KCNH7: variants seen among roughly 807,000 people sequenced by gnomAD.
KCNH7 encodes the protein voltage-gated inwardly rectifying potassium channel KCNH7.
In KCNH7, 49 loss-of-function variants were observed where a neutral mutation model predicts 120.8. That is an observed-to-expected ratio of 0.41 (90% confidence interval 0.32 to 0.51). The LOEUF (loss-of-function observed/expected upper bound fraction) is 0.51, where lower values mean the gene tolerates loss of function less well. Among genes scored for constraint, KCNH7 ranks in the 20% least tolerant of loss-of-function variants. The pLI is 0.38. For synonymous variants in KCNH7, 547 were observed against 516.1 expected (o/e 1.06, Z -0.81); for missense variants, 1,097 against 1,446.6 (o/e 0.76, Z 3.92).
intron 8 of KCNH7, among the ~76,000 whole-genome samples, chr2:162,432,469 C>A (rs1291070100): frequency 1.3e-5 from 2 of 151,958 alleles, no homozygotes; most frequent in Admixed American, 6.6e-5. Flanking sequence ...ATTTAAATTT[C>A]ATTAATAGGG....
At chr2:162,634,040 G>A (rs1365167562) in intron 2 of KCNH7, among the ~76,000 whole-genome samples, 1 of 151,954 alleles carries the variant, frequency 6.6e-6, no homozygotes, top group African/African-American at 2.4e-5. Context: ...TTATCTGTGT[G>A]TGTAACGAAT....
intron 6 of KCNH7, among the ~76,000 whole-genome samples, chr2:162,497,981 G>C (rs1690551303): frequency 6.6e-6 from 1 of 152,066 alleles, no homozygotes; most frequent in African/African-American, 2.4e-5. Flanking sequence ...TTAATATTCA[G>C]AAATTTCTTT....
At chr2:162,518,770 G>A (rs938034594) in intron 3 of KCNH7, among the ~76,000 whole-genome samples, 54 of 150,336 alleles carry the variant, frequency 3.6e-4, no homozygotes, top group African/African-American at 1.2e-3. Flanking sequence ...TTTAAAGAGC[G>A]ATGTACTGTA....
intron 6 of KCNH7, among the ~76,000 whole-genome samples, chr2:162,472,863 G>C (rs902371832): frequency 2.6e-5 from 4 of 152,158 alleles, no homozygotes; most frequent in Admixed American, 6.5e-5. Context: ...TGATAGACTG[G>C]ATTAAGAAAA....
chr2:162,520,037 T>G lies in KCNH7; in HGVS notation c.464-1879A>C, dbSNP rs181458373. Among the ~76,000 whole-genome samples, 15 of 151,640 alleles carry G rather than the reference T, an allele frequency of 9.9e-5. 1 individual carries two copies. Among genetic ancestry groups the G allele is most frequent in the Middle Eastern group, 3.4e-3 (1 of 290 alleles). Reference sequence around the variant, plus strand: ...AATATTTATCTCCAGCCCAGACCTCTCCTCTGTGTTCCAAACCTGTATTGT... The same window carrying G: ...AATATTTATCTCCAGCCCAGACCTCGCCTCTGTGTTCCAAACCTGTATTGT... On this transcript the variant is annotated intron_variant, in intron 3 of 15. Transcript: ENST00000332142.
chr2:162,662,436 T>G, intron 2 of KCNH7, among the ~76,000 whole-genome samples: 1 of 152,240 alleles, frequency 6.6e-6, no homozygotes, highest in East Asian at 1.9e-4. Context: ...ATAAGCTTGT[T>G]TTAGGCAAAG....
intron 2 of KCNH7, among the ~76,000 whole-genome samples, chr2:162,738,624 G>C (rs1014260344): frequency 4.6e-5 from 7 of 152,122 alleles, no homozygotes; most frequent in Non-Finnish European, 8.8e-5. Flanking sequence ...GAGCACATTG[G>C]ACAAAAGCTC....
chr2:162,511,114 C>T (rs974681870), intron 5 of KCNH7, among the ~76,000 whole-genome samples: 4 of 151,372 alleles, frequency 2.6e-5, no homozygotes, highest in Non-Finnish European at 5.9e-5. Flanking sequence ...TATCCGTGTT[C>T]AAAGACTACT....
chr2:162,761,756 G>C (rs1381135437), intron 2 of KCNH7, among the ~76,000 whole-genome samples: 1 of 152,058 alleles, frequency 6.6e-6, no homozygotes. Flanking sequence ...CTGCCTGAGT[G>C]TGAGGTGCAT....
chr2:162,766,970 C>T (rs1220181590), intron 2 of KCNH7, among the ~76,000 whole-genome samples: 3 of 136,220 alleles, frequency 2.2e-5, no homozygotes, highest in African/African-American at 9.4e-5. Context: ...TCTTTTCTGG[C>T]TTTAAAAAAA....
At chr2:162,523,132 A>T (rs1453382594) in intron 3 of KCNH7, among the ~76,000 whole-genome samples, 2 of 151,896 alleles carry the variant, frequency 1.3e-5, no homozygotes, top group Non-Finnish European at 2.9e-5. Flanking sequence ...AGTTTCCGTG[A>T]TTAATTTTAG....
chr2:162,374,538 T>A (rs1285168952), intron 14 of KCNH7, among the ~76,000 whole-genome samples: 1 of 152,134 alleles, frequency 6.6e-6, no homozygotes, highest in Non-Finnish European at 1.5e-5. Context: ...TCTTCACTTA[T>A]TTGCGCTGAC....
chr2:162,430,258 T>A (rs1177539288), intron 8 of KCNH7, among the ~76,000 whole-genome samples: 1 of 152,072 alleles, frequency 6.6e-6, no homozygotes, highest in Non-Finnish European at 1.5e-5. Flanking sequence ...CCCACATCTA[T>A]GTGAGCTCTG....
chr2:162,813,454 T>C (rs1684805324), intron 2 of KCNH7, among the ~76,000 whole-genome samples: 1 of 152,158 alleles, frequency 6.6e-6, no homozygotes, highest in African/African-American at 2.4e-5. Flanking sequence ...TCAGGGGTGA[T>C]TGGTGAGGCT....
chr2:162,812,542 T>C (rs1684767466), intron 2 of KCNH7, among the ~76,000 whole-genome samples: 1 of 152,056 alleles, frequency 6.6e-6, no homozygotes, highest in Non-Finnish European at 1.5e-5. Context: ...TGATCCTATA[T>C]GCCAAGAGGA....
intron 2 of KCNH7, among the ~76,000 whole-genome samples, chr2:162,830,702 G>T (rs755143662): frequency 6.6e-6 from 1 of 152,040 alleles, no homozygotes; most frequent in African/African-American, 2.4e-5. Context: ...AGTCATATGG[G>T]CTCCACTCTC....
chr2:162,671,625 G>T (rs1574247669), intron 2 of KCNH7, among the ~76,000 whole-genome samples: 1 of 151,908 alleles, frequency 6.6e-6, no homozygotes, highest in East Asian at 1.9e-4. Context: ...TTCTCTATTT[G>T]GGTTGTGGGT....
At chr2:162,658,616 C>G (rs560471304) in intron 2 of KCNH7, among the ~76,000 whole-genome samples, 117 of 152,190 alleles carry the variant, frequency 7.7e-4, no homozygotes, top group African/African-American at 2.7e-3. Context: ...TGGGGTTTCT[C>G]TTCGTTTATT....
chr2:162,373,436 G>A (rs1232990500), intron 15 of KCNH7, 34 bp downstream of exon 15: 10 of 1,417,614 alleles, frequency 7.1e-6, no homozygotes, highest in African/African-American at 1.5e-5. Flanking sequence ...CACACTGTGA[G>A]AGACACTCTT....
Sources: gnomAD v4.1 joint callset for allele counts (sites outside exome capture counted in the v4.1 genomes callset) on GRCh38, gnomAD v4.1.1 for gene constraint, MANE v1.5 for transcripts, NCBI Gene and HGNC (gene_info 2026-07-23, HGNC 2026-07-21) for gene names.